AGO1: variants seen among roughly 807,000 people sequenced by gnomAD.
AGO1 encodes the protein argonaute RISC component 1.
In AGO1, 11 loss-of-function variants were observed where a neutral mutation model predicts 109.2. The observed-to-expected ratio is 0.10, with a 90% CI of 0.06 to 0.17. The LOEUF is 0.17. Ranked by LOEUF, AGO1 falls within the 10% of genes least tolerant of loss-of-function variation. The pLI is 1.00. For missense variants in AGO1, 574 were observed against 1,140.3 expected, an observed-to-expected ratio of 0.50 and a Z score of 7.15; for synonymous variants, 422 against 418.6, an observed-to-expected ratio of 1.01 and a Z score of -0.10.
In AGO1 at chr1:35,924,748, A is replaced by C. The variant is rs1645895540; in HGVS notation, c.*5141A>C. 1 of 152,248 alleles carries C rather than the reference A, an allele frequency of 6.6e-6. No individual in the cohort carries two copies. The highest frequency in any genetic ancestry group is 2.4e-5 in the African/African-American group (1 of 41,454). The allele number at this position is 152,248 out of a possible 1,614,324, so 9.4% of individuals were successfully genotyped here. A position where few individuals can be genotyped will look rare whatever the true frequency, so the allele number is the denominator to read the frequency against. On this transcript the variant is annotated 3_prime_UTR_variant, in exon 19 of 19. Coordinates refer to ENST00000373204, the MANE Select transcript of AGO1 (RefSeq NM_012199.5). ...CTTGACCATAGGAGTGTGTTGGGAC[A>C]TTCTGCCAGTCAAGATGGGGGTGAC...
intron 1 of AGO1, among the ~76,000 whole-genome samples, chr1:35,886,070 A>T (rs1557602125): frequency 1.3e-5 from 2 of 152,118 alleles, no homozygotes; most frequent in African/African-American, 4.8e-5. Flanking sequence ...CAGGGTTTTC[A>T]GCTCTGTTAC....
chr1:35,889,994 C>A (rs1459454294), intron 2 of AGO1, among the ~76,000 whole-genome samples: 2 of 151,902 alleles, frequency 1.3e-5, no homozygotes, highest in Non-Finnish European at 1.5e-5. Context: ...GGATTACAGG[C>A]GTGAGCCACC....
At chr1:35,872,192 T>C (rs919265610) in intron 1 of AGO1, among the ~76,000 whole-genome samples, 1 of 150,328 alleles carries the variant, frequency 6.7e-6, no homozygotes, top group African/African-American at 2.4e-5. Flanking sequence ...AATTTCTTTT[T>C]TTTTTTTTTT....
Position 35,901,934 on chromosome 1 carries a change from C to G in AGO1, c.1141-14C>G. 1 of 1,574,122 alleles carries G rather than the reference C, an allele frequency of 6.4e-7. No homozygotes were observed. Among genetic ancestry groups the G allele is most frequent in the Non-Finnish European group, 8.6e-7 (1 of 1,160,836 alleles). On this transcript the variant is annotated splice_polypyrimidine_tract_variant and intron_variant, in intron 9 of 18. Coordinates refer to ENST00000373204, the MANE Select transcript of AGO1 (RefSeq NM_012199.5). This position sits in a 1 kb window ranked among gnomAD's most constrained non-coding sequence, Gnocchi z 4.8. ...GCTCCTGTTCTCCTGAGATTGCTCTCTTTTGTCCTGCAGATGAAGAATGCC... is the reference window on the plus strand; with the variant it reads ...GCTCCTGTTCTCCTGAGATTGCTCTGTTTTGTCCTGCAGATGAAGAATGCC...
intron 15 of AGO1, among the ~76,000 whole-genome samples, chr1:35,917,072 A>G (rs1403962295): frequency 6.6e-6 from 1 of 152,088 alleles, no homozygotes; most frequent in Non-Finnish European, 1.5e-5. Context: ...GCCTATGATT[A>G]TTTACTTCTA....
Position 35,926,004 on chromosome 1 carries a change from G to A in AGO1, c.*6397G>A, listed in dbSNP as rs1411707007. 2.0e-5 allele frequency: 3 copies of A among 152,296 alleles called. No individual in the cohort carries two copies. The East Asian group carries it at 5.8e-4, about 29-fold the overall frequency. 9.4% of individuals were successfully genotyped at this position (152,296 alleles called of 1,614,324 possible). The stretch of plus-strand genomic sequence containing the variant: ...ATCTGGCAGACTCCCTTGGGAAAGA[G>A]CCAGCCAGCCCCATGCTTCTTTTCA... On this transcript the variant is annotated 3_prime_UTR_variant, in exon 19 of 19. Transcript: ENST00000373204.
At position 35,926,455 on chromosome 1, in the gene AGO1, G is replaced by A. The variant is rs957905671; in HGVS notation, c.*6848G>A. On this transcript the variant is annotated 3_prime_UTR_variant, in exon 19 of 19. Transcript: ENST00000373204. ...GGGTAGTCAGGCTGGGTATTTGTTT[G>A]GTATCTCTTGGTGTAGCAGACCCCA... 5 of 152,094 alleles carry A rather than the reference G, an allele frequency of 3.3e-5. No individual in the cohort carries two copies. Among genetic ancestry groups the A allele is most frequent in the Admixed American group, 1.3e-4 (2 of 15,260 alleles). The allele number at this position is 152,094 out of a possible 1,614,324, so 9.4% of individuals were successfully genotyped here.
At chr1:35,899,589 C>T (rs771077771) in intron 8 of AGO1, among the ~76,000 whole-genome samples, 1 of 152,198 alleles carries the variant, frequency 6.6e-6, no homozygotes, top group Non-Finnish European at 1.5e-5. Context: ...AACTTTAAGG[C>T]ACCTTTAAGA....
In AGO1 at chr1:35,883,548, G is replaced by C; in HGVS notation, c.25+102G>C. 7.0e-7 allele frequency: 1 copy of C among 1,418,782 alleles called. No homozygotes were observed. Among genetic ancestry groups the C allele is most frequent in the Non-Finnish European group, 9.2e-7 (1 of 1,083,980 alleles). 87.9% of individuals were successfully genotyped at this position (1,418,782 alleles called of 1,614,324 possible). A position where few individuals can be genotyped will look rare whatever the true frequency, so the allele number is the denominator to read the frequency against. On this transcript the variant is annotated intron_variant, in intron 1 of 18. Transcript: ENST00000373204. The surrounding 1 kb of genome is among the most constrained non-coding windows in gnomAD (Gnocchi z 5.4). ...TGATGGAAGCGCTCCTGAGTGAGGA[G>C]AAGGGCTCTCCCACGATGGGGGCCC...
At chr1:35,907,169 T>C (rs767275750) in intron 12 of AGO1, 50 bp downstream of exon 12, 2 of 1,530,014 alleles carry the variant, frequency 1.3e-6, no homozygotes, top group East Asian at 2.3e-5. Flanking sequence ...CTTCTCAGCG[T>C]AGTTCCCTGG....
Position 35,883,970 on chromosome 1 carries a change from AC to A in AGO1, c.25+530del, listed in dbSNP as rs1018677946. On this transcript the variant is annotated intron_variant, in intron 1 of 18. Transcript: ENST00000373204. The surrounding 1 kb of genome is among the most constrained non-coding windows in gnomAD (Gnocchi z 5.4). ...TGGGTGGGGACCCAGTCCCGGGATT[AC>A]CCCCCGTGGGTCTGGGGAGTCGGAG... Among the ~76,000 whole-genome samples, 2 of 152,076 alleles carry A rather than the reference AC, an allele frequency of 1.3e-5. No homozygotes were observed. Among genetic ancestry groups the A allele is most frequent in the African/African-American group, 2.4e-5 (1 of 41,478 alleles).
At chr1:35,916,849 T>A (rs6671402) in intron 15 of AGO1, among the ~76,000 whole-genome samples, 13,396 of 152,330 alleles carry the variant, frequency 0.088, 2,045 homozygotes, top group East Asian at 0.68. Context: ...TACTTAATTG[T>A]CTATCGTAGT....
rs375999904 is a variant in AGO1 at position 35,888,608 on chromosome 1, C to G, written c.207C>G (p.Asn69Lys). 6.2e-7 allele frequency: 1 copy of G among 1,614,000 alleles called. No individual in the cohort carries two copies. The highest frequency in any genetic ancestry group is 8.5e-7 in the Non-Finnish European group (1 of 1,179,994). The change falls in exon 2 of 19, where the codon AAC becomes AAG. Residue 69 changes from asparagine (N) to lysine (K), a missense_variant and splice_region_variant. By Grantham distance (94) the Asn-to-Lys change is moderately conservative. This residue lies in a region of AGO1 where 89 missense variants were observed against 109.6 expected (regional missense o/e 0.81). Coordinates refer to ENST00000373204, the MANE Select transcript of AGO1 (RefSeq NM_012199.5). The surrounding 1 kb of genome is among the most constrained non-coding windows in gnomAD (Gnocchi z 4.1). ...CGGATAAGTGTCCCCGTAGAGTCAACCGGTAAGTGATGCACACCTAAGCCA... is the reference window on the plus strand; with the variant it reads ...CGGATAAGTGTCCCCGTAGAGTCAAGCGGTAAGTGATGCACACCTAAGCCA... Reference protein sequence around the residue: ...IKPDKCPRRVNREVVEYMVQH... With the variant: ...IKPDKCPRRVKREVVEYMVQH...
In AGO1 at chr1:35,902,081, T is replaced by A. The variant is rs1011576694; in HGVS notation, c.1263+11T>A. 22 of 1,596,138 alleles carry A rather than the reference T, an allele frequency of 1.4e-5. No individual in the cohort carries two copies. The highest frequency in any genetic ancestry group is 1.7e-5 in the Admixed American group (1 of 57,870). On this transcript the variant is annotated intron_variant, in intron 10 of 18. Coordinates refer to ENST00000373204, the MANE Select transcript of AGO1 (RefSeq NM_012199.5). The stretch of plus-strand genomic sequence containing the variant: ...CAGTACGGCGGCCGGGTGAGCAGGG[T>A]CAGGGCCAGACAACATCTCGGGGCA...
At chr1:35,885,441 G>A (rs1054906224) in intron 1 of AGO1, among the ~76,000 whole-genome samples, 4 of 152,314 alleles carry the variant, frequency 2.6e-5, no homozygotes, top group Non-Finnish European at 5.9e-5. Context: ...GGGAAAAGCC[G>A]AATAGGACAG....
At chr1:35,872,192 T>A (rs919265610) in intron 1 of AGO1, among the ~76,000 whole-genome samples, 1 of 150,328 alleles carries the variant, frequency 6.7e-6, no homozygotes, top group Admixed American at 6.6e-5. Flanking sequence ...AATTTCTTTT[T>A]TTTTTTTTTT....
chr1:35,897,403 A>T (rs562900397), intron 8 of AGO1, among the ~76,000 whole-genome samples: 1 of 152,338 alleles, frequency 6.6e-6, no homozygotes, highest in South Asian at 2.1e-4. Context: ...TTTTTGAGGG[A>T]TAGACAGAAG....
At chr1:35,881,382 G>A (rs943715541), upstream of AGO1, among the ~76,000 whole-genome samples, 2 of 151,870 alleles carry the variant, frequency 1.3e-5, no homozygotes, top group African/African-American at 2.4e-5. Flanking sequence ...GTACAATGGC[G>A]TGATCTCAGC....
In AGO1 at chr1:35,927,696, T is replaced by A. The variant is rs1645956654; in HGVS notation, c.*8089T>A. ...GTGTAGACTAGAAAGTTCAGTCATG[T>A]CTACTAGCAAGAAAGGAGATAAGGG... On this transcript the variant is annotated 3_prime_UTR_variant, in exon 19 of 19. Transcript: ENST00000373204. 1 of 152,150 alleles carries A rather than the reference T, an allele frequency of 6.6e-6. No individual in the cohort carries two copies. Among genetic ancestry groups the A allele is most frequent in the African/African-American group, 2.4e-5 (1 of 41,418 alleles). The allele number at this position is 152,150 out of a possible 1,614,324, so 9.4% of individuals were successfully genotyped here.
Sources: gnomAD v4.1 joint callset for allele counts (sites outside exome capture counted in the v4.1 genomes callset) on GRCh38, gnomAD v4.1.1 for gene constraint, gnomAD v4.1.1 regional missense constraint, Gnocchi (gnomAD v3.1) non-coding constraint, MANE v1.5 for transcripts, NCBI Gene and HGNC (gene_info 2026-07-23, HGNC 2026-07-21) for gene names.